The following IL1RAPL2 variants were observed in gnomAD, a reference collection of about 807,000 sequenced individuals.
IL1RAPL2 encodes X-linked interleukin-1 receptor accessory protein-like 2.
A neutral mutation model predicts 44.1 loss-of-function variants in IL1RAPL2; 3 were observed. The ratio of observed to expected loss-of-function variants is 0.07; its 90% confidence interval spans 0.03 to 0.18. The LOEUF is 0.18. IL1RAPL2 is among the 10% of genes least tolerant of loss of function. The pLI, the probability that IL1RAPL2 is intolerant of heterozygous loss-of-function variation, is 1.00. For synonymous variants in IL1RAPL2, 181 were observed against 178.8 expected (o/e 1.01, Z -0.10); for missense variants, 391 against 496.4 (o/e 0.79, Z 2.02).
intron 2 of IL1RAPL2, among the ~76,000 whole-genome samples, chrX:104,693,189 C>T (rs963893725): frequency 3.6e-5 from 4 of 111,588 alleles, no homozygotes; most frequent in South Asian, 7.5e-4. Context: ...ATCTCTTTTT[C>T]GTCATCATCC....
chrX:105,759,262 AAAGT>A (rs1209156864), intron 10 of IL1RAPL2, among the ~76,000 whole-genome samples: 2 of 112,376 alleles, frequency 1.8e-5, no homozygotes, highest in African/African-American at 6.5e-5. Context: ...TTTCCCTTTA[AAAGT>A]AAGAAAGTAA....
intron 1 of IL1RAPL2, among the ~76,000 whole-genome samples, chrX:104,627,482 T>C (rs950867515): frequency 4.0e-4 from 27 of 67,089 alleles, no homozygotes; most frequent in Non-Finnish European, 6.4e-4. Context: ...TAAAGTATAA[T>C]AATAATAAAA....
At chrX:105,038,151 C>T (rs1278076563) in intron 2 of IL1RAPL2, among the ~76,000 whole-genome samples, 1 of 111,347 alleles carries the variant, frequency 9.0e-6, no homozygotes, top group East Asian at 2.9e-4. Flanking sequence ...CAGGCCCACA[C>T]TTCTGGCTTC....
intron 2 of IL1RAPL2, among the ~76,000 whole-genome samples, chrX:104,718,165 C>T (rs904628531): frequency 9.0e-6 from 1 of 110,619 alleles, no homozygotes; most frequent in African/African-American, 3.3e-5. Context: ...TTCTAGATCC[C>T]TGAGGAATCG....
chrX:105,190,866 A>G (rs1251699896), intron 2 of IL1RAPL2, among the ~76,000 whole-genome samples: 1 of 112,365 alleles, frequency 8.9e-6, no homozygotes, highest in Non-Finnish European at 1.9e-5. Flanking sequence ...CAACAGATAG[A>G]TGCGGCAGGA....
intron 5 of IL1RAPL2, among the ~76,000 whole-genome samples, chrX:105,404,418 TAG>T (rs2035627725): frequency 8.9e-6 from 1 of 112,173 alleles, no homozygotes; most frequent in Non-Finnish European, 1.9e-5. Context: ...CACCATGGAT[TAG>T]ACTGTTAGTA....
Position 105,075,909 on chromosome X carries a change from C to T in IL1RAPL2, c.83-119566C>T, listed in dbSNP as rs745462010. Among the ~76,000 whole-genome samples, 125 of 111,189 alleles carry T rather than the reference C, an allele frequency of 1.1e-3. 1 individual carries two copies. Among genetic ancestry groups the T allele is most frequent in the African/African-American group, 3.9e-3 (119 of 30,652 alleles). ...TGATATCCCGTTTGTCATTTTTCAT[C>T]GTGTCTATTTGATTCTTCTCTCTTT... On this transcript the variant is annotated intron_variant, in intron 2 of 10. Transcript: ENST00000372582.
At chrX:105,074,357 T>C (rs1163823632) in intron 2 of IL1RAPL2, among the ~76,000 whole-genome samples, 17 of 111,447 alleles carry the variant, frequency 1.5e-4, no homozygotes, top group African/African-American at 5.5e-4. Flanking sequence ...GTTGTAGATA[T>C]GCGGCATTAT....
At chrX:104,594,597 C>T (rs1238096567) in intron 1 of IL1RAPL2, among the ~76,000 whole-genome samples, 4 of 111,908 alleles carry the variant, frequency 3.6e-5, no homozygotes, top group Admixed American at 2.9e-4. Context: ...TTAGAACTTA[C>T]AGTCTATTGA....
intron 2 of IL1RAPL2, among the ~76,000 whole-genome samples, chrX:104,751,666 A>G (rs1005940449): frequency 1.8e-5 from 2 of 111,549 alleles, no homozygotes; most frequent in African/African-American, 6.5e-5. Context: ...CTGTTTATGA[A>G]CAGAAACAAA....
chrX:105,040,852 G>T (rs2031721103), intron 2 of IL1RAPL2, among the ~76,000 whole-genome samples: 1 of 102,622 alleles, frequency 9.7e-6, no homozygotes, highest in African/African-American at 3.7e-5. Context: ...TTAATTTTTT[G>T]AAGGGTTTTT....
chrX:105,624,899 A>T (rs752717130), intron 6 of IL1RAPL2, among the ~76,000 whole-genome samples: 1 of 112,412 alleles, frequency 8.9e-6, no homozygotes, highest in African/African-American at 3.2e-5. Context: ...TAAGATACTT[A>T]ATATGTGGGA....
At chrX:104,880,579 A>G (rs940868795) in intron 2 of IL1RAPL2, among the ~76,000 whole-genome samples, 7 of 111,694 alleles carry the variant, frequency 6.3e-5, no homozygotes, top group African/African-American at 9.7e-5. Context: ...GTTTATTTCC[A>G]TCATCCAAGT....
At chrX:104,919,523 CT>C (rs10666066) in intron 2 of IL1RAPL2, among the ~76,000 whole-genome samples, 41 of 84,570 alleles carry the variant, frequency 4.8e-4, no homozygotes, top group Middle Eastern at 8.0e-3. Context: ...CCACGCCTGG[CT>C]TTTTTTTTTT....
chrX:105,458,023 A>G lies in IL1RAPL2; in HGVS notation c.698-26290A>G, dbSNP rs5962289. Among the ~76,000 whole-genome samples, 658 of 111,419 alleles carry G rather than the reference A, an allele frequency of 5.9e-3. 7 individuals carry two copies. Among genetic ancestry groups the G allele is most frequent in the African/African-American group, 0.02 (631 of 30,802 alleles). ...TTAAATTATAACCAATCTAATGGGT[A>G]TGAAGTAGTATCTCATTGTGGGTTT... On this transcript the variant is annotated intron_variant, in intron 5 of 10. Transcript: ENST00000372582.
intron 6 of IL1RAPL2, among the ~76,000 whole-genome samples, chrX:105,642,927 CAT>C (rs1353789452): frequency 3.5e-5 from 4 of 113,072 alleles, no homozygotes; most frequent in Non-Finnish European, 7.5e-5. Flanking sequence ...TTGCTCAAAA[CAT>C]AGTCTCCTTA....
chrX:105,249,073 G>A (rs763111672), intron 4 of IL1RAPL2, among the ~76,000 whole-genome samples: 19 of 111,335 alleles, frequency 1.7e-4, no homozygotes, highest in African/African-American at 5.5e-4. Flanking sequence ...ATGCACAATA[G>A]CCACAATTTG....
At chrX:104,685,800 C>T (rs975537901) in intron 2 of IL1RAPL2, among the ~76,000 whole-genome samples, 2 of 109,690 alleles carry the variant, frequency 1.8e-5, no homozygotes, top group African/African-American at 3.3e-5. Flanking sequence ...TGGTGGTGGG[C>T]GCTTGTAGTA....
chrX:105,099,248 T>C (rs1452408683), intron 2 of IL1RAPL2, among the ~76,000 whole-genome samples: 2 of 110,966 alleles, frequency 1.8e-5, no homozygotes, highest in Non-Finnish European at 3.8e-5. Flanking sequence ...TTCATGTTGC[T>C]ATTAAAAAAT....
Sources: allele counts gnomAD v4.1 joint callset (sites outside exome capture counted in the v4.1 genomes callset), GRCh38; gene constraint gnomAD v4.1.1; transcripts MANE v1.5; gene names NCBI Gene and HGNC (gene_info 2026-07-23, HGNC 2026-07-21).